The following MMP26 variants were observed in gnomAD, a reference collection of about 807,000 sequenced individuals.
MMP26 encodes matrix metallopeptidase 26, also known as matrix metalloproteinase-26.
A neutral mutation model predicts 31.0 loss-of-function variants in MMP26; 33 were observed. That is an observed-to-expected ratio of 1.06 (90% CI 0.81 to 1.42). The LOEUF (loss-of-function observed/expected upper bound fraction) is 1.42, where lower values mean the gene tolerates loss of function less well. Among genes scored for constraint, MMP26 ranks in the 40% most tolerant of loss-of-function variants. MMP26 has a pLI of 0.00. For synonymous variants in MMP26, 122 were observed against 114.9 expected (o/e 1.06, Z -0.40); for missense variants, 347 against 316.1 (o/e 1.10, Z -0.74).
intron 1 of MMP26, among the ~76,000 whole-genome samples, chr11:4,764,766 G>C (rs921092406): frequency 6.6e-6 from 1 of 152,076 alleles, no homozygotes; most frequent in East Asian, 1.9e-4. Context: ...CCAGCTACTC[G>C]GGAGGCTGAG....
intron 2 of MMP26, chr11:4,923,983 G>C: frequency 1.2e-6 from 2 of 1,614,134 alleles, no homozygotes. Flanking sequence ...CAATGGACAT[G>C]GATAACAGAA....
intron 1 of MMP26, among the ~76,000 whole-genome samples, chr11:4,748,959 G>A (rs977522330): frequency 8.6e-5 from 13 of 151,772 alleles, no homozygotes; most frequent in African/African-American, 1.2e-4. Flanking sequence ...TCAGGCAAGA[G>A]AAAAAATGAA....
chr11:4,823,035 T>A (rs1849532055), intron 2 of MMP26, among the ~76,000 whole-genome samples: 1 of 152,158 alleles, frequency 6.6e-6, no homozygotes, highest in Non-Finnish European at 1.5e-5. Context: ...AAACCAAGAT[T>A]TATCTTGGTG....
chr11:4,941,054 A>G (rs1846198666), intron 2 of MMP26, among the ~76,000 whole-genome samples: 2 of 54,458 alleles, frequency 3.7e-5, no homozygotes, highest in Non-Finnish European at 4.1e-5. Flanking sequence ...TTATTTAAAT[A>G]AAGAATGATT....
chr11:4,986,371 A>G (rs931564029), intron 2 of MMP26, among the ~76,000 whole-genome samples: 1 of 151,812 alleles, frequency 6.6e-6, no homozygotes, highest in African/African-American at 2.4e-5. Flanking sequence ...TCTTGGAGAT[A>G]GGATCTCACT....
At chr11:4,933,730 C>T in intron 2 of MMP26, among the ~76,000 whole-genome samples, 2 of 129,106 alleles carry the variant, frequency 1.5e-5, no homozygotes, top group Middle Eastern at 8.6e-3. Context: ...CCCCTCCCCC[C>T]ACCCCACCAC....
chr11:4,847,828 T>G (rs1336290515), intron 2 of MMP26: 1 of 156,384 alleles, frequency 6.4e-6, no homozygotes, highest in Non-Finnish European at 1.4e-5. Flanking sequence ...ACAATACAAA[T>G]GGAAGATCTT....
chr11:4,855,476 T>C (rs955629029), intron 2 of MMP26, among the ~76,000 whole-genome samples: 1 of 152,066 alleles, frequency 6.6e-6, no homozygotes, highest in African/African-American at 2.4e-5. Flanking sequence ...GTATCAGTGA[T>C]TGAAGATCAA....
chr11:4,778,635 T>G (rs779630170), intron 2 of MMP26, among the ~76,000 whole-genome samples: 1 of 152,094 alleles, frequency 6.6e-6, no homozygotes, highest in Non-Finnish European at 1.5e-5. Flanking sequence ...AATTTTAGAA[T>G]AACCACTGTA....
chr11:4,813,060 T>A (rs1042545293), intron 2 of MMP26, among the ~76,000 whole-genome samples: 1 of 151,820 alleles, frequency 6.6e-6, no homozygotes, highest in Non-Finnish European at 1.5e-5. Context: ...AATATACCAA[T>A]AAGTACATTT....
At chr11:4,882,628 T>A (rs771390196) in intron 2 of MMP26, 1 of 1,613,962 alleles carries the variant, frequency 6.2e-7, no homozygotes, top group South Asian at 1.1e-5. Context: ...TCAGCACTTG[T>A]GTCTGTCACA....
intron 1 of MMP26, among the ~76,000 whole-genome samples, chr11:4,735,361 C>T (rs564207063): frequency 2.9e-4 from 44 of 152,062 alleles, no homozygotes; most frequent in African/African-American, 1.1e-3. Flanking sequence ...GCTATATATA[C>T]AGATATACAT....
intron 2 of MMP26, among the ~76,000 whole-genome samples, chr11:4,872,480 T>C (rs1001392619): frequency 6.6e-6 from 1 of 152,042 alleles, no homozygotes; most frequent in Non-Finnish European, 1.5e-5. Context: ...AAGAACTTTA[T>C]AGATCATTGT....
At chr11:4,710,722 A>G (rs755344459) in intron 1 of MMP26, 3 of 322,780 alleles carry the variant, frequency 9.3e-6, no homozygotes, top group Non-Finnish European at 1.8e-5. Context: ...TCCTTTCATG[A>G]ATACTGAACC....
chr11:4,794,276 C>T (rs962346379), intron 2 of MMP26: 1 of 152,180 alleles, frequency 6.6e-6, no homozygotes, highest in Admixed American at 6.5e-5. Flanking sequence ...GAGAAACACA[C>T]TCACCTGTCC....
At chr11:4,964,117 A>C (rs576256664) in intron 2 of MMP26, among the ~76,000 whole-genome samples, 57 of 152,232 alleles carry the variant, frequency 3.7e-4, no homozygotes, top group African/African-American at 1.3e-3. Context: ...TAGTTTAATT[A>C]GATCCCATTT....
At chr11:4,881,456 A>C (rs1295285245) in intron 2 of MMP26, among the ~76,000 whole-genome samples, 1 of 152,140 alleles carries the variant, frequency 6.6e-6, no homozygotes, top group Admixed American at 6.6e-5. Flanking sequence ...TTTTAAAAAC[A>C]CTTGGACTCC....
intron 2 of MMP26, among the ~76,000 whole-genome samples, chr11:4,885,074 C>G (rs1359371529): frequency 6.6e-6 from 1 of 152,008 alleles, no homozygotes; most frequent in African/African-American, 2.4e-5. Flanking sequence ...AGTTTTTATA[C>G]CTGACTAAAA....
intron 2 of MMP26, chr11:4,945,763 A>G (rs12789579): frequency 0.15 from 39,021 of 257,920 alleles, 3,236 homozygotes; most frequent in South Asian, 0.17. Flanking sequence ...AAATGGTTGT[A>G]TTCTAAGATG....
Sources: gnomAD v4.1 joint callset for allele counts (sites outside exome capture counted in the v4.1 genomes callset) on GRCh38, gnomAD v4.1.1 for gene constraint, MANE v1.5 for transcripts, NCBI Gene and HGNC (gene_info 2026-07-23, HGNC 2026-07-21) for gene names.